Variants in ZNF638 observed in about 807,000 individuals in gnomAD.
ZNF638 encodes the protein zinc finger protein 638.
A neutral mutation model predicts 195.6 loss-of-function variants in ZNF638; 46 were observed. The ratio of observed to expected loss-of-function variants is 0.24; its 90% CI spans 0.19 to 0.30. ZNF638 has a LOEUF of 0.30. Among genes scored for constraint, ZNF638 ranks in the 10% least tolerant of loss-of-function variants. The probability of loss-of-function intolerance (pLI) is 1.00; values close to 1 mark genes in which losing one functional copy is unlikely to be tolerated. For missense variants in ZNF638, 2,440 were observed against 2,325.3 expected (o/e 1.05, Z -1.01); for synonymous variants, 845 against 772.0 (o/e 1.09, Z -1.57).
chr2:71,345,486 A>C (rs764499015), intron 1 of ZNF638, among the ~76,000 whole-genome samples: 4 of 152,172 alleles, frequency 2.6e-5, no homozygotes, highest in Non-Finnish European at 4.4e-5. Context: ...TGACATCCTG[A>C]ACTCAAGCAG....
At chr2:71,431,749 G>C (rs1489938917) in intron 26 of ZNF638, among the ~76,000 whole-genome samples, 1 of 144,990 alleles carries the variant, frequency 6.9e-6, no homozygotes, top group Non-Finnish European at 1.5e-5. Context: ...GACAGAGTGA[G>C]ACTCCGTCTC....
At chr2:71,360,730 T>G (rs1222539187) in intron 3 of ZNF638, among the ~76,000 whole-genome samples, 1 of 152,206 alleles carries the variant, frequency 6.6e-6, no homozygotes, top group Non-Finnish European at 1.5e-5. Flanking sequence ...TTGCAAATGC[T>G]TCGTTGGTGA....
chr2:71,380,442 A>G, intron 9 of ZNF638, 71 bp from the exon 10 acceptor site: 2 of 1,390,632 alleles, frequency 1.4e-6, no homozygotes, highest in South Asian at 2.7e-5. Flanking sequence ...AGGTTTAAAT[A>G]TTACATTTTT....
In ZNF638 at chr2:71,433,236, G is replaced by A; in HGVS notation, c.5824G>A (p.Ala1942Thr). ...TTCCCTCTTCTACTCAGGTGAAAAA[G>A]CAATGACAAATCACTGCAAGAGTAC... is the stretch of plus-strand genomic sequence containing the variant. ...ICSLFYSGEK[A>T]MTNHCKSTRH... The change falls in exon 27 of 28, where the codon GCA becomes ACA. Residue 1942 changes from alanine to threonine, a missense_variant. This residue lies in a region of ZNF638 where 1,883 missense variants were observed against 1,739.1 expected (regional missense o/e 1.08). Coordinates refer to ENST00000264447, the MANE Select transcript of ZNF638 (RefSeq NM_014497.5). The A allele has an allele frequency of 6.2e-7, 1 of 1,614,102 alleles. No homozygotes were observed. The highest frequency in any genetic ancestry group is 8.5e-7 in the Non-Finnish European group (1 of 1,179,992).
chr2:71,392,978 C>T (rs200052995), intron 10 of ZNF638, among the ~76,000 whole-genome samples: 108 of 152,316 alleles, frequency 7.1e-4, no homozygotes, highest in Middle Eastern at 6.8e-3. Flanking sequence ...CATCTTTTAA[C>T]TTTTGCGTTT....
intron 20 of ZNF638, among the ~76,000 whole-genome samples, chr2:71,417,700 G>A (rs2080330953): frequency 1.3e-5 from 2 of 150,342 alleles, no homozygotes; most frequent in South Asian, 4.2e-4. Context: ...TCTCCTTAAT[G>A]GAAAGCTGCT....
At chr2:71,406,601 A>G (rs1216654087) in intron 19 of ZNF638, among the ~76,000 whole-genome samples, 1 of 152,228 alleles carries the variant, frequency 6.6e-6, no homozygotes, top group African/African-American at 2.4e-5. Context: ...GTTGGTTTAC[A>G]CTTACTTGTA....
In ZNF638 at chr2:71,419,738, G is replaced by A. The variant is rs140268879; in HGVS notation, c.3299+1099G>A. 3.3e-5 allele frequency among the ~76,000 whole-genome samples: 5 copies of A among 152,102 alleles called. No individual in the cohort carries two copies. The East Asian group carries it at 7.7e-4, about 24-fold the overall frequency. ...ACTATATATATAGACCTAAAGATTGGCCACGTTAACTCTGTGGCAAAACCC... is the reference window on the plus strand; with the variant it reads ...ACTATATATATAGACCTAAAGATTGACCACGTTAACTCTGTGGCAAAACCC... On this transcript the variant is annotated intron_variant, in intron 21 of 27. Coordinates refer to ENST00000264447, the MANE Select transcript of ZNF638 (RefSeq NM_014497.5).
At chr2:71,332,197 C>G (rs1043284275) in intron 1 of ZNF638, among the ~76,000 whole-genome samples, 1 of 152,234 alleles carries the variant, frequency 6.6e-6, no homozygotes, top group African/African-American at 2.4e-5. Context: ...CGTGAAGAGC[C>G]CTTTGGCGAG....
rs201676031 is a variant in ZNF638, at chr2:71,364,122, C to G, written c.1587C>G (p.Phe529Leu). The change falls in exon 5 of 28, where the codon TTC becomes TTG. Residue 529 changes from phenylalanine to leucine, a missense_variant. Around this residue, in one of 5 missense-constraint regions of ZNF638, gnomAD observed 1,883 missense variants for 1,739.1 expected, o/e 1.08. Transcript: ENST00000264447. Reference sequence around the variant, plus strand: ...GAAGTCCAAGAATTTGCCATCGTTTCATTTCTAGATACAGATCCAGATCCA... The same window carrying G: ...GAAGTCCAAGAATTTGCCATCGTTTGATTTCTAGATACAGATCCAGATCCA... ...RSRSPRICHR[F>L]ISRYRSRSRS... 6 of 1,614,146 alleles carry G rather than the reference C, an allele frequency of 3.7e-6. No individual in the cohort carries two copies. Among genetic ancestry groups the G allele is most frequent in the Non-Finnish European group, 5.1e-6 (6 of 1,180,030 alleles).
chr2:71,363,984 T>G lies in ZNF638; in HGVS notation c.1449T>G (p.Thr483=), dbSNP rs998853127. The G allele has an allele frequency of 3.1e-6, 5 of 1,613,304 alleles. No individual in the cohort carries two copies. The highest frequency in any genetic ancestry group is 3.3e-5 in the Admixed American group (2 of 59,874). The change falls in exon 5 of 28, where the codon ACT becomes ACG. Residue 483 remains threonine, a synonymous_variant. Transcript: ENST00000264447. The part of the protein sequence containing the change: ...RNEGNRKENE[T]PRRRSHSPSP... Reference sequence around the variant, plus strand: ...AGGGCAATAGAAAAGAAAATGAAACTCCACGAAGACGTTCTCATTCCCCCA... The same window carrying G: ...AGGGCAATAGAAAAGAAAATGAAACGCCACGAAGACGTTCTCATTCCCCCA...
chr2:71,422,957 A>T lies in ZNF638; in HGVS notation c.3443A>T (p.Glu1148Val), dbSNP rs756330461. Residue 1148 changes from glutamate to valine, a missense_variant, in exon 22 of 28, where the codon GAG becomes GTG. Physicochemically the swap from Glu to Val is moderately radical, Grantham distance 121. Around this residue, in one of 5 missense-constraint regions of ZNF638, gnomAD observed 1,883 missense variants for 1,739.1 expected, o/e 1.08. Transcript: ENST00000264447. ...ETLVQQEEPCEEEAEKATCDS... is the reference protein window; with the variant it reads ...ETLVQQEEPCVEEAEKATCDS... ...TTGGTACAGCAGGAAGAGCCTTGTG[A>T]GGAAGAAGCTGAAAAAGCAACATGT... 3 of 1,614,158 alleles carry T rather than the reference A, an allele frequency of 1.9e-6. No homozygotes were observed. In the East Asian group the frequency reaches 6.7e-5, roughly 36 times the overall value.
At chr2:71,427,873 A>T (rs1465982370) in intron 24 of ZNF638, among the ~76,000 whole-genome samples, 1 of 152,186 alleles carries the variant, frequency 6.6e-6, no homozygotes, top group Non-Finnish European at 1.5e-5. Context: ...TCCGAACTTG[A>T]GGGAGATAAA....
chr2:71,386,293 CAAAAAAAAAAAAAAAA>C (rs58219651), intron 10 of ZNF638, among the ~76,000 whole-genome samples: 11 of 85,224 alleles, frequency 1.3e-4, no homozygotes, highest in Non-Finnish European at 2.5e-4. Context: ...GACCTTGTCT[CAAAAAAAAAAAAAAAA>C]AAAAAAAAGT....
intron 10 of ZNF638, among the ~76,000 whole-genome samples, chr2:71,394,230 C>T (rs565611237): frequency 6.6e-6 from 1 of 152,232 alleles, no homozygotes; most frequent in African/African-American, 2.4e-5. Flanking sequence ...TAGCCATGTC[C>T]GTTCCCCTGT....
intron 2 of ZNF638, among the ~76,000 whole-genome samples, chr2:71,353,678 T>G (rs1272362748): frequency 6.6e-6 from 1 of 152,204 alleles, no homozygotes; most frequent in Non-Finnish European, 1.5e-5. Flanking sequence ...CAGGTGATAG[T>G]TGCTGTAAGA....
chr2:71,386,728 T>C (rs1033105349), intron 10 of ZNF638, among the ~76,000 whole-genome samples: 4 of 152,198 alleles, frequency 2.6e-5, no homozygotes, highest in African/African-American at 9.6e-5. Flanking sequence ...AAATAGTCCA[T>C]TTATAATAAT....
At chr2:71,364,725 G>C (rs553295573) in intron 5 of ZNF638, among the ~76,000 whole-genome samples, 33 of 152,280 alleles carry the variant, frequency 2.2e-4, no homozygotes, top group Non-Finnish European at 3.1e-4. Flanking sequence ...TTCAAAAATA[G>C]TACTTTGCAC....
Position 71,426,581 on chromosome 2 carries a change from A to C in ZNF638, c.4712A>C (p.Asn1571Thr). ...GGAAAAAGGAAAGAAACTCTCAAAA[A>C]TGTTCCTTTCTCTGAACTTAACTTA... Reference protein sequence around the residue: ...LKGKRKETLKNVPFSELNLKK... With the variant: ...LKGKRKETLKTVPFSELNLKK... Residue 1571 changes from asparagine to threonine, a missense_variant, in exon 24 of 28, where the codon AAT becomes ACT. Asn to Thr is a moderately conservative substitution (Grantham distance 65). Coordinates refer to ENST00000264447, the MANE Select transcript of ZNF638 (RefSeq NM_014497.5). 1 of 1,614,156 alleles carries C rather than the reference A, an allele frequency of 6.2e-7. No individual in the cohort carries two copies. Among genetic ancestry groups the C allele is most frequent in the Non-Finnish European group, 8.5e-7 (1 of 1,180,016 alleles).
Sources: gnomAD v4.1 joint callset for allele counts (sites outside exome capture counted in the v4.1 genomes callset) on GRCh38, gnomAD v4.1.1 for gene constraint, gnomAD v4.1.1 regional missense constraint, MANE v1.5 for transcripts, NCBI Gene and HGNC (gene_info 2026-07-23, HGNC 2026-07-21) for gene names.